BAIAP3: variants seen among roughly 807,000 people sequenced by gnomAD.
The protein encoded by BAIAP3 is BAI1 associated protein 3.
BAIAP3 carries 180 observed loss-of-function variants against 149.7 expected under a neutral mutation model. The ratio of observed to expected loss-of-function variants is 1.20; its 90% CI spans 1.07 to 1.36. The LOEUF is 1.36. BAIAP3 is among the 40% of genes most tolerant of loss of function. BAIAP3 has a pLI of 0.00. For missense variants in BAIAP3, 1,767 were observed against 1,563.4 expected (o/e 1.13, Z -2.20); for synonymous variants, 845 against 670.7 (o/e 1.26, Z -4.02).
In BAIAP3 at chr16:1,342,952, G is replaced by A. The variant is rs1567165229; in HGVS notation, c.1201G>A (p.Ala401Thr). Residue 401 changes from alanine to threonine, a missense_variant, in exon 14 of 34, where the codon GCC becomes ACC. Transcript: ENST00000426824. Reference protein sequence around the residue: ...SSWRGELSTPAATILCLHGAQ... With the variant: ...SSWRGELSTPTATILCLHGAQ... ...CTGGCGAGGAGAGCTCAGCACACCAGCCGCCACCATCCTCTGCCTGCACGG... is the reference window on the plus strand; with the variant it reads ...CTGGCGAGGAGAGCTCAGCACACCAACCGCCACCATCCTCTGCCTGCACGG... The A allele has an allele frequency of 6.2e-7, 1 of 1,612,108 alleles. No homozygotes were observed. The highest frequency in any genetic ancestry group is 1.7e-5 in the Admixed American group (1 of 60,030).
intron 10 of BAIAP3, 25 bp from the exon 11 acceptor site, chr16:1,342,156 G>C: frequency 6.3e-7 from 1 of 1,583,924 alleles, no homozygotes; most frequent in Non-Finnish European, 8.6e-7. Flanking sequence ...CCATCAGCGT[G>C]ATGCTCACCA....
intron 23 of BAIAP3, 38 bp downstream of exon 23, chr16:1,345,928 G>A: frequency 6.3e-7 from 1 of 1,582,080 alleles, no homozygotes; most frequent in Non-Finnish European, 8.6e-7. Context: ...GGAACGGGTG[G>A]GAGAGGAGAT....
In BAIAP3 at chr16:1,344,832, C is replaced by A. The variant is rs375777655; in HGVS notation, c.1792C>A (p.Arg598=). The A allele has an allele frequency of 2.4e-5, 39 of 1,613,700 alleles. No individual in the cohort carries two copies. The highest frequency in any genetic ancestry group is 3.1e-5 in the Non-Finnish European group (37 of 1,180,032). The change falls in exon 20 of 34, where the codon CGG becomes AGG. Residue 598 remains arginine, a synonymous_variant. Coordinates refer to ENST00000426824, the MANE Select transcript of BAIAP3 (RefSeq NM_001199097.2). The part of the protein sequence containing the change: ...LNVDVFTLTF[R]QLERLVAEEA... The stretch of plus-strand genomic sequence containing the variant: ...TGTGGACGTCTTCACCCTGACCTTC[C>A]GGCAGCTGGAGCGTCTGGTGAGGAG...
rs753218376 is a variant in BAIAP3, at chr16:1,344,556, G to T, written c.1659+31G>T. 15 of 1,612,366 alleles carry T rather than the reference G, an allele frequency of 9.3e-6. No individual in the cohort carries two copies. In the African/African-American group the frequency reaches 1.6e-4, roughly 17 times the overall value. On this transcript the variant is annotated intron_variant, in intron 18 of 33. Coordinates refer to ENST00000426824, the MANE Select transcript of BAIAP3 (RefSeq NM_001199097.2). ...GTTGTGGGGGACCCTGGCCATGAGGGGTACGGGCAGCCGAGAGGTGGGTAC... is the reference window on the plus strand; with the variant it reads ...GTTGTGGGGGACCCTGGCCATGAGGTGTACGGGCAGCCGAGAGGTGGGTAC...
chr16:1,337,835 C>T (rs1017931671), intron 1 of BAIAP3, among the ~76,000 whole-genome samples: 1 of 152,220 alleles, frequency 6.6e-6, no homozygotes, highest in Non-Finnish European at 1.5e-5. Flanking sequence ...TTTGTACCAA[C>T]TATGGGGAGC....
At chr16:1,341,712 C>G in intron 8 of BAIAP3, 110 bp from the exon 9 acceptor site, 1 of 1,294,332 alleles carries the variant, frequency 7.7e-7, no homozygotes, top group Non-Finnish European at 1.1e-6. Context: ...AACAGCCTGT[C>G]TGGAGAGCGG....
chr16:1,334,400 C>G, intron 1 of BAIAP3: 1 of 529,936 alleles, frequency 1.9e-6, no homozygotes, highest in East Asian at 3.2e-5. Context: ...CCCCATAGAA[C>G]TGGGGGTGTG....
At chr16:1,344,945 G>T (rs763192927) in intron 20 of BAIAP3, 24 bp from the exon 21 acceptor site, 1 of 1,613,422 alleles carries the variant, frequency 6.2e-7, no homozygotes, top group East Asian at 2.2e-5. Context: ...GCTGCTGGAG[G>T]CCTGATCCTG....
chr16:1,343,331 G>T (rs1045625322), intron 14 of BAIAP3, 62 bp from the exon 15 acceptor site: 16 of 1,552,492 alleles, frequency 1.0e-5, no homozygotes, highest in Non-Finnish European at 1.2e-5. Context: ...GCTGTAGGCG[G>T]TGCTGAGTGG....
chr16:1,343,284 G>A (rs891622159), intron 14 of BAIAP3, 109 bp from the exon 15 acceptor site: 55 of 1,458,210 alleles, frequency 3.8e-5, no homozygotes, highest in Non-Finnish European at 4.8e-5. Context: ...GAGTAGGCGC[G>A]GCAGTGCTGA....
Position 1,344,232 on chromosome 16 carries a change from T to G in BAIAP3, c.1517T>G (p.Leu506Arg). ...VHRLELLLKC[L>R]GKLQLFQPSF... ...AGCGTGCTGCCCCCACCCAGGTGTC[T>G]GGGCAAGCTGCAGCTCTTCCAACCC... Residue 506 changes from leucine to arginine, a missense_variant, in exon 17 of 34, where the codon CTG becomes CGG. Leu to Arg is a moderately radical substitution (Grantham distance 102). Coordinates refer to ENST00000426824, the MANE Select transcript of BAIAP3 (RefSeq NM_001199097.2). The G allele has an allele frequency of 6.2e-7, 1 of 1,613,440 alleles. No homozygotes were observed. Among genetic ancestry groups the G allele is most frequent in the Non-Finnish European group, 8.5e-7 (1 of 1,179,930 alleles).
chr16:1,339,165 T>C lies in BAIAP3; in HGVS notation c.221T>C (p.Val74Ala). 6.4e-7 allele frequency: 1 copy of C among 1,566,446 alleles called. No homozygotes were observed. The highest frequency in any genetic ancestry group is 8.6e-7 in the Non-Finnish European group (1 of 1,157,232). ...CCTCACCCTGGGCCCCACACACAGG[T>C]CCCCCTGCGCAGTGGCTCGCCAGCA... ...EGRQGLPCLE[V>A]PLRSGSPAPP... Residue 74 changes from valine (V) to alanine (A), a missense_variant and splice_region_variant, in exon 4 of 34, where the codon GTC (valine) becomes GCC (alanine). Val to Ala is a moderately conservative substitution (Grantham distance 64). Coordinates refer to ENST00000426824, the MANE Select transcript of BAIAP3 (RefSeq NM_001199097.2).
chr16:1,347,840 G>A lies in BAIAP3; in HGVS notation c.3025+19G>A, dbSNP rs748118368. The A allele has an allele frequency of 1.1e-5, 17 of 1,603,592 alleles. No homozygotes were observed. The highest frequency in any genetic ancestry group is 4.0e-5 in the African/African-American group (3 of 74,810). ...GCCAACGGTGAGTTGCAGCGGGGACGGGTCGGGTGGTGGTGGGATGGGGGC... is the reference window on the plus strand; with the variant it reads ...GCCAACGGTGAGTTGCAGCGGGGACAGGTCGGGTGGTGGTGGGATGGGGGC... On this transcript the variant is annotated intron_variant, in intron 31 of 33. Coordinates refer to ENST00000426824, the MANE Select transcript of BAIAP3 (RefSeq NM_001199097.2).
intron 28 of BAIAP3, 27 bp downstream of exon 28, chr16:1,346,982 CG>C (rs1567172857): frequency 1.9e-6 from 3 of 1,557,234 alleles, no homozygotes; most frequent in Non-Finnish European, 2.6e-6. Context: ...GAGTCCTCCC[CG>C]CCGGCCCCCG....
At chr16:1,338,453 G>GGGCC in intron 1 of BAIAP3, 87 bp from the exon 2 acceptor site, 1 of 177,274 alleles carries the variant, frequency 5.6e-6, no homozygotes, top group Non-Finnish European at 1.2e-5. Flanking sequence ...ACCTCTTCCC[G>GGGCC]CCCCACCCCC....
chr16:1,347,153 C>A, intron 28 of BAIAP3, 145 bp from the exon 29 acceptor site: 1 of 962,212 alleles, frequency 1.0e-6, no homozygotes. Context: ...TGGGAGCTTC[C>A]GATGCCCGCC....
In BAIAP3 at chr16:1,334,763, C is replaced by G. The variant is rs1413701917; in HGVS notation, c.-11+1014C>G. 3 of 1,549,240 alleles carry G rather than the reference C, an allele frequency of 1.9e-6. No homozygotes were observed. The East Asian group carries it at 7.3e-5, about 38-fold the overall frequency. ...GGGCCATCTGGAGGAGTCGGTGAGA[C>G]CAGGGAGAGATTCCTGCGGGAAACC... is the stretch of plus-strand genomic sequence containing the variant. On this transcript the variant is annotated intron_variant, in intron 1 of 33. Coordinates refer to ENST00000426824, the MANE Select transcript of BAIAP3 (RefSeq NM_001199097.2).
Position 1,348,194 on chromosome 16 carries a change from C to G in BAIAP3, c.3248C>G (p.Ala1083Gly). 1.2e-6 allele frequency: 2 copies of G among 1,608,950 alleles called. No homozygotes were observed. Among genetic ancestry groups the G allele is most frequent in the Non-Finnish European group, 1.7e-6 (2 of 1,179,594 alleles). ...WLSTNDFAGE[A>G]ALGLGGVTGV... is the part of the protein sequence containing the mutation. ...TCCACCAACGACTTCGCTGGGGAGG[C>G]GGCCCTCGGCCTAGGTGGCGTCACT... The change falls in exon 33 of 34, where the codon GCG (alanine) becomes GGG (glycine). Residue 1083 changes from alanine (A) to glycine (G), a missense_variant. Physicochemically the swap from Ala to Gly is moderately conservative, Grantham distance 60 (BLOSUM62 0). Transcript: ENST00000426824.
rs754353782 is a variant in BAIAP3 at position 1,346,200 on chromosome 16, G to A, written c.2332G>A (p.Val778Met). 3.7e-5 allele frequency: 59 copies of A among 1,612,040 alleles called. No homozygotes were observed. The highest frequency in any genetic ancestry group is 7.7e-5 in the South Asian group (7 of 91,052). The change falls in exon 25 of 34, where the codon GTG becomes ATG. Residue 778 changes from valine to methionine, a missense_variant. Coordinates refer to ENST00000426824, the MANE Select transcript of BAIAP3 (RefSeq NM_001199097.2). ...LCVVLNNVEL[V>M]RKAAGQALKG... ...CGTGGTCCTCAACAATGTGGAGCTC[G>A]TGCGCAAGGCTGCTGGGCAGGCCTT... is the stretch of plus-strand genomic sequence containing the variant.
Sources: allele counts gnomAD v4.1 joint callset (sites outside exome capture counted in the v4.1 genomes callset), GRCh38; gene constraint gnomAD v4.1.1; transcripts MANE v1.5; gene names NCBI Gene and HGNC (gene_info 2026-07-23, HGNC 2026-07-21).